Variants in BCL2L1 observed in about 807,000 individuals in gnomAD.
BCL2L1 encodes the protein bcl-2-like protein 1.
Under a neutral mutation model 18.7 loss-of-function variants are expected in BCL2L1, and 1 was observed. The ratio of observed to expected loss-of-function variants is 0.05; its 90% CI spans 0.02 to 0.25. The LOEUF (loss-of-function observed/expected upper bound fraction) is 0.25, where lower values mean the gene tolerates loss of function less well. BCL2L1 is among the 10% of genes least tolerant of loss of function. The pLI is 1.00. For missense variants in BCL2L1, 207 were observed against 304.9 expected (o/e 0.68, Z 2.39); for synonymous variants, 103 against 122.7 (o/e 0.84, Z 1.06).
chr20:31,709,306 C>G (rs2061415239), intron 2 of BCL2L1, among the ~76,000 whole-genome samples: 1 of 152,142 alleles, frequency 6.6e-6, no homozygotes. Context: ...TCTTACCCGT[C>G]TGGCCTGCTC....
chr20:31,679,603 C>T (rs2060823057), intron 2 of BCL2L1, among the ~76,000 whole-genome samples: 1 of 152,214 alleles, frequency 6.6e-6, no homozygotes, highest in Non-Finnish European at 1.5e-5. Flanking sequence ...CAGCAGAGTT[C>T]AATGGTCCAT....
chr20:31,683,461 T>A (rs199940793), intron 2 of BCL2L1, among the ~76,000 whole-genome samples: 1 of 152,116 alleles, frequency 6.6e-6, no homozygotes, highest in East Asian at 1.9e-4. Flanking sequence ...TCACTCTCTG[T>A]CCTCTTAGAA....
At position 31,722,375 on chromosome 20, in the gene BCL2L1, G is replaced by A. The variant is rs116117086; in HGVS notation, c.-130-27C>T. On this transcript the variant is annotated intron_variant, in intron 1 of 2. Coordinates refer to ENST00000307677, the MANE Select transcript of BCL2L1 (RefSeq NM_138578.3). The stretch of plus-strand genomic sequence containing the variant: ...TTCAGGAAAAAAAAATAATTAATAT[G>A]CATGCCATTTACCCTAAAAATTCCA... 1,285 of 525,362 alleles carry A rather than the reference G, an allele frequency of 2.4e-3. 11 individuals are homozygous for A. The highest frequency in any genetic ancestry group is 0.022 in the African/African-American group (1,156 of 51,406). 32.5% of individuals were successfully genotyped at this position (525,362 alleles called of 1,614,324 possible). A position where few individuals can be genotyped will look rare whatever the true frequency, so the allele number is the denominator to read the frequency against.
At chr20:31,697,892 G>GTTTTTTTTTTTTTTTTTTT (rs199575410) in intron 2 of BCL2L1, among the ~76,000 whole-genome samples, 13 of 129,648 alleles carry the variant, frequency 1.0e-4, no homozygotes, top group African/African-American at 2.6e-4. Context: ...TGCTGTTGCT[G>GTTTTTTTTTTTTTTTTTTT]TTTTTTTTTT....
intron 2 of BCL2L1, among the ~76,000 whole-genome samples, chr20:31,680,324 G>C (rs1175256399): frequency 1.3e-5 from 2 of 152,102 alleles, no homozygotes; most frequent in Non-Finnish European, 2.9e-5. Flanking sequence ...CTGAGAATCT[G>C]CTATTCTTAG....
intron 2 of BCL2L1, among the ~76,000 whole-genome samples, chr20:31,721,183 T>G (rs2061622466): frequency 6.6e-6 from 1 of 152,180 alleles, no homozygotes; most frequent in East Asian, 1.9e-4. Flanking sequence ...GAACTTGATT[T>G]GGGGGAGAGA....
intron 2 of BCL2L1, chr20:31,720,139 T>C (rs1038675942): frequency 2.0e-6 from 2 of 985,268 alleles, no homozygotes; most frequent in African/African-American, 3.5e-5. Flanking sequence ...CCACCCCAGT[T>C]ATCTGACCTC....
At position 31,665,864 on chromosome 20, in the gene BCL2L1, TCTC is replaced by T. The variant is rs1189056795; in HGVS notation, c.*82_*84del. 35 of 1,547,698 alleles carry T rather than the reference TCTC, an allele frequency of 2.3e-5. No individual in the cohort carries two copies. Among genetic ancestry groups the T allele is most frequent in the Non-Finnish European group, 2.8e-5 (32 of 1,136,554 alleles). ...GTGGGCATGGGCTGCATGTAGTGGT[TCTC>T]CTGGTGGCAATGGCGGCTGGACGGA... On this transcript the variant is annotated 3_prime_UTR_variant, in exon 3 of 3. Transcript: ENST00000307677.
intron 2 of BCL2L1, among the ~76,000 whole-genome samples, chr20:31,713,964 A>G (rs745548420): frequency 1.3e-5 from 2 of 151,916 alleles, no homozygotes; most frequent in Non-Finnish European, 2.9e-5. Context: ...CTTCCTGCTC[A>G]CCTCTCTGGG....
At chr20:31,692,886 G>C (rs1336555171) in intron 2 of BCL2L1, among the ~76,000 whole-genome samples, 1 of 151,860 alleles carries the variant, frequency 6.6e-6, no homozygotes, top group Admixed American at 6.6e-5. Flanking sequence ...ACTACAGCCT[G>C]GGCGACAGAG....
intron 2 of BCL2L1, among the ~76,000 whole-genome samples, chr20:31,695,060 T>A (rs2061144529): frequency 6.6e-6 from 1 of 152,142 alleles, no homozygotes; most frequent in African/African-American, 2.4e-5. Flanking sequence ...AAACCTGGAC[T>A]CCTTTCTCTC....
chr20:31,672,525 G>A (rs1185687244), intron 2 of BCL2L1, among the ~76,000 whole-genome samples: 1 of 152,164 alleles, frequency 6.6e-6, no homozygotes, highest in African/African-American at 2.4e-5. Context: ...GAGGTGGGAG[G>A]GAGAGGAGGG....
At chr20:31,685,650 C>T (rs942422201) in intron 2 of BCL2L1, among the ~76,000 whole-genome samples, 2 of 152,174 alleles carry the variant, frequency 1.3e-5, no homozygotes, top group Non-Finnish European at 2.9e-5. Flanking sequence ...CTTTTCTCAT[C>T]TGAAAAGTGT....
intron 2 of BCL2L1, among the ~76,000 whole-genome samples, chr20:31,706,181 T>C (rs1475476662): frequency 6.6e-6 from 1 of 152,166 alleles, no homozygotes; most frequent in Non-Finnish European, 1.5e-5. Flanking sequence ...ATTTTATGTT[T>C]AAGCAGCACT....
intron 2 of BCL2L1, among the ~76,000 whole-genome samples, chr20:31,696,187 C>T (rs2061166398): frequency 6.6e-6 from 1 of 152,150 alleles, no homozygotes; most frequent in African/African-American, 2.4e-5. Context: ...TAGCTCAGTC[C>T]CTGATATATG....
At chr20:31,716,330 C>A (rs1305840964) in intron 2 of BCL2L1, among the ~76,000 whole-genome samples, 1 of 152,090 alleles carries the variant, frequency 6.6e-6, no homozygotes, top group African/African-American at 2.4e-5. Context: ...GCCCTATGCC[C>A]CAACCTGCTT....
At chr20:31,723,441 C>G (rs1006874456), upstream of BCL2L1, 3 of 985,452 alleles carry the variant, frequency 3.0e-6, no homozygotes, top group Non-Finnish European at 3.6e-6. Flanking sequence ...TCTGGCGCCC[C>G]CGGGAGGGCT....
chr20:31,680,584 G>C (rs974669382), intron 2 of BCL2L1, among the ~76,000 whole-genome samples: 3 of 152,170 alleles, frequency 2.0e-5, no homozygotes, highest in African/African-American at 4.8e-5. Flanking sequence ...TTCTAAGATG[G>C]GACATGACCT....
At chr20:31,679,989 T>C (rs2122527925) in intron 2 of BCL2L1, among the ~76,000 whole-genome samples, 1 of 152,322 alleles carries the variant, frequency 6.6e-6, no homozygotes, top group African/African-American at 2.4e-5. Flanking sequence ...CCTGTTTTTT[T>C]ATAGCTAAAA....
Sources: allele counts gnomAD v4.1 joint callset (sites outside exome capture counted in the v4.1 genomes callset), GRCh38; gene constraint gnomAD v4.1.1; transcripts MANE v1.5; gene names NCBI Gene and HGNC (gene_info 2026-07-23, HGNC 2026-07-21).